DCTN5: variants seen among roughly 807,000 people sequenced by gnomAD.
The protein encoded by DCTN5 is dynactin subunit 5.
DCTN5 carries 14 observed loss-of-function variants against 23.5 expected under a neutral mutation model. The observed-to-expected ratio is 0.60, with a 90% CI of 0.39 to 0.93. The LOEUF is 0.93. Among genes scored for constraint, DCTN5 ranks in the 40% least tolerant of loss-of-function variants. DCTN5 has a pLI of 0.00. For missense variants in DCTN5, 156 were observed against 225.9 expected (o/e 0.69, Z 1.98); for synonymous variants, 67 against 79.6 (o/e 0.84, Z 0.84).
chr16:23,649,730 C>T (rs1348635363), intron 2 of DCTN5, among the ~76,000 whole-genome samples: 2 of 150,278 alleles, frequency 1.3e-5, no homozygotes, highest in Non-Finnish European at 2.9e-5. Context: ...CCCAGCTACT[C>T]AGGAGGCTGA....
chr16:23,648,873 T>TTTG (rs1967535259), intron 2 of DCTN5, among the ~76,000 whole-genome samples: 1 of 136,650 alleles, frequency 7.3e-6, no homozygotes, highest in Non-Finnish European at 1.6e-5. Flanking sequence ...TTGTTTGTTT[T>TTTG]TTGAGACAGA....
intron 2 of DCTN5, among the ~76,000 whole-genome samples, chr16:23,647,016 T>C (rs1045071780): frequency 6.6e-6 from 1 of 152,226 alleles, no homozygotes; most frequent in East Asian, 1.9e-4. Context: ...AGAAAATCAA[T>C]TGGTCATAGA....
Position 23,670,146 on chromosome 16 carries a change from G to A in DCTN5, c.*3002G>A, listed in dbSNP as rs1967980485. On this transcript the variant is annotated 3_prime_UTR_variant, in exon 6 of 6. Coordinates refer to ENST00000300087, the MANE Select transcript of DCTN5 (RefSeq NM_032486.4). ...TCACACACCCTGCCAGCATGCCTCAGACCTTACCCCAGCTCAAGATAAGTC... is the reference window on the plus strand; with the variant it reads ...TCACACACCCTGCCAGCATGCCTCAAACCTTACCCCAGCTCAAGATAAGTC... The A allele has an allele frequency of 6.6e-6, 1 of 152,214 alleles. No homozygotes were observed. Among genetic ancestry groups the A allele is most frequent in the Non-Finnish European group, 1.5e-5 (1 of 68,084 alleles). The allele number at this position is 152,214 out of a possible 1,614,324, so 9.4% of individuals were successfully genotyped here.
At chr16:23,648,354 T>C (rs979409856) in intron 2 of DCTN5, among the ~76,000 whole-genome samples, 16 of 146,458 alleles carry the variant, frequency 1.1e-4, no homozygotes, top group Non-Finnish European at 1.8e-4. Flanking sequence ...CTTTTTTTTT[T>C]TTTTTTTTTT....
In DCTN5 at chr16:23,666,953, C is replaced by G. The variant is rs933092638; in HGVS notation, c.452-94C>G. ...ATTATTTAAGTGATTGTCAGACATGCATCTGATTGAGGTGAGAAGGATATT... is the reference window on the plus strand; with the variant it reads ...ATTATTTAAGTGATTGTCAGACATGGATCTGATTGAGGTGAGAAGGATATT... On this transcript the variant is annotated intron_variant, in intron 5 of 5. Transcript: ENST00000300087. The G allele has an allele frequency of 3.9e-6, 6 of 1,545,132 alleles. No individual in the cohort carries two copies. The African/African-American group carries it at 6.8e-5, about 18-fold the overall frequency.
Position 23,641,536 on chromosome 16 carries a change from G to C in DCTN5, c.-7G>C. 1 of 1,614,078 alleles carries C rather than the reference G, an allele frequency of 6.2e-7. No homozygotes were observed. The highest frequency in any genetic ancestry group is 8.5e-7 in the Non-Finnish European group (1 of 1,179,954). On this transcript the variant is annotated 5_prime_UTR_variant, in exon 1 of 6. Transcript: ENST00000300087. The stretch of plus-strand genomic sequence containing the variant: ...GGATCCGGGGCTGAGGGAAGGAGGC[G>C]GCGGCCATGGAGTTGGGCGAGCTGC...
rs1433023480 is a variant in DCTN5, at chr16:23,669,716, C to T, written c.*2572C>T. 1 of 152,604 alleles carries T rather than the reference C, an allele frequency of 6.6e-6. No homozygotes were observed. Among genetic ancestry groups the T allele is most frequent in the Non-Finnish European group, 1.5e-5 (1 of 68,366 alleles). 9.5% of individuals were successfully genotyped at this position (152,604 alleles called of 1,614,324 possible). On this transcript the variant is annotated 3_prime_UTR_variant, in exon 6 of 6. Coordinates refer to ENST00000300087, the MANE Select transcript of DCTN5 (RefSeq NM_032486.4). ...CTCCGTCTCCCTGCTGTCCCTTACC[C>T]TCTGCCCAATCTCTCATTACTCCTG...
intron 2 of DCTN5, among the ~76,000 whole-genome samples, chr16:23,654,458 G>A (rs957734738): frequency 7.2e-5 from 11 of 152,110 alleles, no homozygotes; most frequent in African/African-American, 2.7e-4. Context: ...CTATGGGAGC[G>A]GGGAGTTGGG....
intron 3 of DCTN5, among the ~76,000 whole-genome samples, chr16:23,660,720 C>T (rs1358981409): frequency 1.3e-5 from 2 of 152,174 alleles, no homozygotes; most frequent in Non-Finnish European, 2.9e-5. Flanking sequence ...GAGTCTGGCA[C>T]ATAGTAGTCA....
At chr16:23,658,812 C>T (rs1214912381) in intron 3 of DCTN5, among the ~76,000 whole-genome samples, 187 bp downstream of exon 3, 1 of 152,162 alleles carries the variant, frequency 6.6e-6, no homozygotes, top group African/African-American at 2.4e-5. Flanking sequence ...TTGCTACAAA[C>T]AGAATCCGCT....
At chr16:23,664,143 A>G (rs962304673) in intron 4 of DCTN5, among the ~76,000 whole-genome samples, 4 of 152,210 alleles carry the variant, frequency 2.6e-5, no homozygotes, top group African/African-American at 7.2e-5. Flanking sequence ...TAGTTGCCCT[A>G]TTTTTGAAAT....
intron 2 of DCTN5, among the ~76,000 whole-genome samples, chr16:23,653,393 G>C (rs1410006293): frequency 6.6e-6 from 1 of 152,080 alleles, no homozygotes; most frequent in African/African-American, 2.4e-5. Context: ...CCAGAAATAA[G>C]ACCACACACC....
chr16:23,661,112 C>A, intron 3 of DCTN5, 58 bp from the exon 4 acceptor site: 3 of 1,240,506 alleles, frequency 2.4e-6, no homozygotes, highest in South Asian at 1.3e-5. Flanking sequence ...TTCTATAAAC[C>A]TTGACCCAAA....
At chr16:23,648,621 AT>A (rs1967527972) in intron 2 of DCTN5, among the ~76,000 whole-genome samples, 1 of 151,812 alleles carries the variant, frequency 6.6e-6, no homozygotes, top group Non-Finnish European at 1.5e-5. Context: ...AAGTGCTGGG[AT>A]TACAGGTGTG....
At position 23,656,653 on chromosome 16, in the gene DCTN5, T is replaced by G. The variant is rs182632025; in HGVS notation, c.118-1854T>G. 3.3e-5 allele frequency among the ~76,000 whole-genome samples: 5 copies of G among 152,068 alleles called. No individual in the cohort carries two copies. The East Asian group carries it at 7.7e-4, about 23-fold the overall frequency. ...AGATTAATTTACTTTTATTATTAAT[T>G]TATATATTTTTACTATTTATTTTTT... On this transcript the variant is annotated intron_variant, in intron 2 of 5. Transcript: ENST00000300087.
chr16:23,670,685 G>C lies in DCTN5; in HGVS notation c.*3541G>C, dbSNP rs1046243011. On this transcript the variant is annotated 3_prime_UTR_variant, in exon 6 of 6. Coordinates refer to ENST00000300087, the MANE Select transcript of DCTN5 (RefSeq NM_032486.4). ...AAATGATACTGGCAGTGTTGGGACAGCGTGTCCGAAGGCCTGGTTTTTTCA... is the reference window on the plus strand; with the variant it reads ...AAATGATACTGGCAGTGTTGGGACACCGTGTCCGAAGGCCTGGTTTTTTCA... 6.6e-6 allele frequency: 1 copy of C among 152,238 alleles called. No individual in the cohort carries two copies. The highest frequency in any genetic ancestry group is 1.5e-5 in the Non-Finnish European group (1 of 68,052). The allele number at this position is 152,238 out of a possible 1,614,324, so 9.4% of individuals were successfully genotyped here.
intron 2 of DCTN5, 60 bp from the exon 3 acceptor site, chr16:23,658,447 C>CT (rs918882911): frequency 1.8e-6 from 2 of 1,108,424 alleles, no homozygotes; most frequent in African/African-American, 1.5e-5. Context: ...GTTATCTACT[C>CT]TTTTTTTGTT....
At chr16:23,641,674 C>G in intron 1 of DCTN5, 84 bp downstream of exon 1, 1 of 1,380,118 alleles carries the variant, frequency 7.2e-7, no homozygotes, top group Non-Finnish European at 1.0e-6. Flanking sequence ...CTGCCCCTAC[C>G]CCACCAACCC....
At chr16:23,653,783 A>C (rs1967647533) in intron 2 of DCTN5, among the ~76,000 whole-genome samples, 1 of 152,224 alleles carries the variant, frequency 6.6e-6, no homozygotes, top group Non-Finnish European at 1.5e-5. Context: ...AATGGGAGAA[A>C]ATTTTTGCAA....
Sources: gnomAD v4.1 joint callset for allele counts (sites outside exome capture counted in the v4.1 genomes callset) on GRCh38, gnomAD v4.1.1 for gene constraint, MANE v1.5 for transcripts, NCBI Gene and HGNC (gene_info 2026-07-23, HGNC 2026-07-21) for gene names.